Variants in PCDHGA3 observed in about 807,000 individuals in gnomAD.
PCDHGA3 encodes protocadherin gamma-A3.
In PCDHGA3, 40 loss-of-function variants were observed where a neutral mutation model predicts 58.5. The observed-to-expected ratio is 0.68, with a 90% CI of 0.53 to 0.89. The LOEUF (loss-of-function observed/expected upper bound fraction) is 0.89, where lower values mean the gene tolerates loss of function less well. PCDHGA3 is among the 40% of genes least tolerant of loss of function. The pLI, the probability that PCDHGA3 is intolerant of heterozygous loss-of-function variation, is 0.00. For synonymous variants in PCDHGA3, 530 were observed against 525.7 expected (o/e 1.01, Z -0.11); for missense variants, 1,223 against 1,195.9 (o/e 1.02, Z -0.33).
At chr5:141,488,042 G>T (rs2099670966) in intron 1 of PCDHGA3, among the ~76,000 whole-genome samples, 1 of 152,168 alleles carries the variant, frequency 6.6e-6, no homozygotes, top group Non-Finnish European at 1.5e-5. Context: ...TTTCCCAAGG[G>T]ATTGAGGGGA....
chr5:141,358,975 A>C (rs1242979325), intron 1 of PCDHGA3, among the ~76,000 whole-genome samples: 1 of 152,266 alleles, frequency 6.6e-6, no homozygotes, highest in Non-Finnish European at 1.5e-5. Flanking sequence ...GTGAGAATTC[A>C]AAATTCATGA....
chr5:141,452,678 C>T (rs1311364057), intron 1 of PCDHGA3, among the ~76,000 whole-genome samples: 1 of 150,100 alleles, frequency 6.7e-6, no homozygotes, highest in African/African-American at 2.5e-5. Flanking sequence ...GCCTAGGCCA[C>T]AGAATGAAAC....
chr5:141,427,361 A>ACC (rs781206288), intron 1 of PCDHGA3: 1 of 457,772 alleles, frequency 2.2e-6, no homozygotes, highest in South Asian at 1.5e-5. Context: ...AGGACGCAGA[A>ACC]CCCTGGACGG....
intron 3 of PCDHGA3, among the ~76,000 whole-genome samples, chr5:141,510,553 A>G (rs1471878583): frequency 6.6e-6 from 1 of 152,162 alleles, no homozygotes; most frequent in Non-Finnish European, 1.5e-5. Context: ...TGTTTTGAGC[A>G]CTTACATCTA....
chr5:141,383,486 T>C, intron 1 of PCDHGA3: 1 of 1,613,372 alleles, frequency 6.2e-7, no homozygotes, highest in Non-Finnish European at 8.5e-7. Context: ...GAACTGGTGC[T>C]GGAGCGGGTG....
intron 3 of PCDHGA3, among the ~76,000 whole-genome samples, chr5:141,508,658 A>G (rs1420910010): frequency 2.0e-5 from 3 of 152,086 alleles, no homozygotes; most frequent in African/African-American, 4.8e-5. Flanking sequence ...CCTTCCTGTC[A>G]TTCTGTCTCT....
intron 1 of PCDHGA3, among the ~76,000 whole-genome samples, chr5:141,488,261 G>T (rs993627373): frequency 6.6e-6 from 1 of 152,148 alleles, no homozygotes; most frequent in Non-Finnish European, 1.5e-5. Flanking sequence ...GGTTGGGGCG[G>T]GTTGGTCATC....
At chr5:141,371,409 G>A in intron 1 of PCDHGA3, 7 of 1,614,022 alleles carry the variant, frequency 4.3e-6, no homozygotes, top group Non-Finnish European at 5.9e-6. Context: ...AGATATTTCA[G>A]ATGAAAATGA....
chr5:141,439,354 C>G (rs746525653), intron 1 of PCDHGA3, among the ~76,000 whole-genome samples: 7 of 152,186 alleles, frequency 4.6e-5, no homozygotes, highest in Admixed American at 4.6e-4. Context: ...TACAAATACT[C>G]AAACATCAAG....
At chr5:141,353,118 T>G (rs1281945055) in intron 1 of PCDHGA3, among the ~76,000 whole-genome samples, 2 of 152,234 alleles carry the variant, frequency 1.3e-5, no homozygotes, top group Admixed American at 6.5e-5. Flanking sequence ...GAGATTGCTT[T>G]CTTGATTGCT....
intron 1 of PCDHGA3, chr5:141,409,395 C>T: frequency 6.2e-7 from 1 of 1,614,030 alleles, no homozygotes; most frequent in South Asian, 1.1e-5. Flanking sequence ...TATTCTTCTT[C>T]CAATAACTAC....
At chr5:141,447,121 T>C (rs1341601610) in intron 1 of PCDHGA3, among the ~76,000 whole-genome samples, 1 of 152,104 alleles carries the variant, frequency 6.6e-6, no homozygotes, top group Non-Finnish European at 1.5e-5. Flanking sequence ...CTCCATGGAT[T>C]TTTTTGTTTG....
chr5:141,490,882 A>G lies in PCDHGA3; in HGVS notation c.2425-3925A>G, dbSNP rs758716907. ...CGGCTCTCCCCCATTGCATGCCAAC[A>G]CATCTCTGCATGTGTTTGTCCTAGA... On this transcript the variant is annotated intron_variant, in intron 1 of 3. Coordinates refer to ENST00000253812, the MANE Select transcript of PCDHGA3 (RefSeq NM_018916.4). This position sits in a 1 kb window ranked among gnomAD's most constrained non-coding sequence, Gnocchi z 5.4. 6.2e-7 allele frequency: 1 copy of G among 1,613,848 alleles called. No individual in the cohort carries two copies. Among genetic ancestry groups the G allele is most frequent in the Non-Finnish European group, 8.5e-7 (1 of 1,179,920 alleles).
intron 1 of PCDHGA3, chr5:141,399,670 G>A (rs2093861747): frequency 6.2e-7 from 1 of 1,613,610 alleles, no homozygotes; most frequent in Non-Finnish European, 8.5e-7. Flanking sequence ...CGCGCAGCGC[G>A]CCTTTGACTA....
Position 141,476,115 on chromosome 5 carries a change from A to G in PCDHGA3, c.2425-18692A>G. 1 of 1,592,814 alleles carries G rather than the reference A, an allele frequency of 6.3e-7. No homozygotes were observed. The highest frequency in any genetic ancestry group is 8.5e-7 in the Non-Finnish European group (1 of 1,171,734). On this transcript the variant is annotated intron_variant, in intron 1 of 3. Coordinates refer to ENST00000253812, the MANE Select transcript of PCDHGA3 (RefSeq NM_018916.4). This position sits in a 1 kb window ranked among gnomAD's most constrained non-coding sequence, Gnocchi z 7.6. ...CGCTGAGAGGAACTGCTTTTGAGTG[A>G]GATGGTCCCAGAGGCCTGGAGGAGC...
intron 1 of PCDHGA3, chr5:141,393,452 GGCCTCGGATGGCGGCAAGCC>G: frequency 6.2e-7 from 1 of 1,614,030 alleles, no homozygotes; most frequent in Admixed American, 1.7e-5. Context: ...TGGTCCTCAC[GGCCTCGGATGGCGGCAAGCC>G]GCCTCGCTCT....
intron 1 of PCDHGA3, chr5:141,398,805 T>C: frequency 1.2e-6 from 2 of 1,613,964 alleles, no homozygotes; most frequent in Non-Finnish European, 1.7e-6. Flanking sequence ...GCGGCACCAC[T>C]GAGCTCCGGA....
chr5:141,420,111 C>T (rs747723647), intron 1 of PCDHGA3: 1 of 1,613,966 alleles, frequency 6.2e-7, no homozygotes, highest in African/African-American at 1.3e-5. Flanking sequence ...TTGCCCTATG[C>T]CTATAATTTT....
rs1368632691 is a variant in PCDHGA3 at position 141,485,071 on chromosome 5, C to A, written c.2425-9736C>A. ...GCCGGCCGAACCGCGCCAGAGCTGG[C>A]GCGGGGAAAGGGAGATAGGTGTCTC... On this transcript the variant is annotated intron_variant, in intron 1 of 3. Coordinates refer to ENST00000253812, the MANE Select transcript of PCDHGA3 (RefSeq NM_018916.4). This position sits in a 1 kb window ranked among gnomAD's most constrained non-coding sequence, Gnocchi z 5.7. 3.3e-6 allele frequency: 3 copies of A among 913,030 alleles called. No individual in the cohort carries two copies. Among genetic ancestry groups the A allele is most frequent in the Non-Finnish European group, 5.1e-6 (3 of 584,604 alleles). 56.6% of individuals were successfully genotyped at this position (913,030 alleles called of 1,614,324 possible).
Sources: allele counts gnomAD v4.1 joint callset (sites outside exome capture counted in the v4.1 genomes callset), GRCh38; gene constraint gnomAD v4.1.1; non-coding constraint Gnocchi (gnomAD v3.1); transcripts MANE v1.5; gene names NCBI Gene and HGNC (gene_info 2026-07-23, HGNC 2026-07-21).